The following PRSS23 variants were observed in gnomAD, a reference collection of about 807,000 sequenced individuals.
PRSS23 encodes the protein serine protease 23.
PRSS23 carries 25 observed loss-of-function variants against 34.7 expected under a neutral mutation model. The observed-to-expected ratio is 0.72, with a 90% CI of 0.53 to 1.01. PRSS23 has a LOEUF of 1.01. PRSS23 is among the 50% of genes least tolerant of loss of function. PRSS23 has a pLI of 0.00. For synonymous variants in PRSS23, 176 were observed against 186.6 expected, an observed-to-expected ratio of 0.94 and a Z score of 0.46; for missense variants, 445 against 475.6, an observed-to-expected ratio of 0.94 and a Z score of 0.60.
intron 2 of PRSS23, among the ~76,000 whole-genome samples, chr11:86,924,546 G>A (rs192722921): frequency 6.6e-6 from 1 of 152,310 alleles, no homozygotes; most frequent in Non-Finnish European, 1.5e-5. Context: ...TGGACTTGAA[G>A]GCTCTTGGAC....
intron 2 of PRSS23, among the ~76,000 whole-genome samples, chr11:86,905,492 A>C (rs1948936228): frequency 6.6e-6 from 1 of 152,174 alleles, no homozygotes; most frequent in South Asian, 2.1e-4. Context: ...ACACAAAATA[A>C]AATGCCAGCT....
chr11:86,912,865 G>C (rs1419312935), intron 2 of PRSS23, among the ~76,000 whole-genome samples: 1 of 152,076 alleles, frequency 6.6e-6, no homozygotes, highest in Non-Finnish European at 1.5e-5. Context: ...TGAGTGATAT[G>C]TTGTAAGGAC....
intron 1 of PRSS23, among the ~76,000 whole-genome samples, chr11:86,820,615 A>G (rs555825124): frequency 1.3e-5 from 2 of 152,358 alleles, no homozygotes; most frequent in East Asian, 1.9e-4. Context: ...TTAGATATAC[A>G]CATAATTATA....
chr11:86,827,594 A>G (rs1948312885), intron 2 of PRSS23, among the ~76,000 whole-genome samples: 1 of 152,020 alleles, frequency 6.6e-6, no homozygotes, highest in East Asian at 1.9e-4. Flanking sequence ...TTCGGGTGTC[A>G]ATTTTGGATC....
At chr11:86,844,137 C>G (rs953988118) in intron 2 of PRSS23, among the ~76,000 whole-genome samples, 13 of 152,166 alleles carry the variant, frequency 8.5e-5, no homozygotes, top group African/African-American at 3.1e-4. Flanking sequence ...AGCCTGTAAC[C>G]ATCATTGTAA....
chr11:86,843,250 C>T (rs964637213), intron 2 of PRSS23, among the ~76,000 whole-genome samples: 2 of 152,160 alleles, frequency 1.3e-5, no homozygotes, highest in Admixed American at 6.5e-5. Flanking sequence ...CCCTTCCTTA[C>T]ACCATATACA....
intron 1 of PRSS23, among the ~76,000 whole-genome samples, chr11:86,803,389 A>G (rs1428449270): frequency 1.3e-5 from 2 of 152,214 alleles, no homozygotes. Flanking sequence ...ACATCTGTTT[A>G]TACCTTAGAT....
rs539369047 is a variant in PRSS23 at position 86,932,905 on chromosome 11, T to G, written c.207-18311T>G. On this transcript the variant is annotated intron_variant, in intron 2 of 2. Transcript: ENST00000533902. ...TGGTCACTGTTGTGGCTTCTCTCGA[T>G]GTGAGGTCGGACTCACCTTCCATAT... 1.2e-4 allele frequency: 18 copies of G among 152,380 alleles called. 1 individual carries two copies. The highest frequency in any genetic ancestry group is 3.6e-4 in the African/African-American group (15 of 41,584). The allele number at this position is 152,380 out of a possible 1,614,324, so 9.4% of individuals were successfully genotyped here.
rs1269310590 is a variant in PRSS23 at position 86,952,446 on chromosome 11, G to C, written c.*1161G>C. 6.2e-7 allele frequency: 1 copy of C among 1,613,576 alleles called. No homozygotes were observed. Among genetic ancestry groups the C allele is most frequent in the Non-Finnish European group, 8.5e-7 (1 of 1,179,858 alleles). Reference sequence around the variant, plus strand: ...ATGTTGATCTTCTCTGTGCACATTGGCACATAAACAGAACAAAGGAAGAAC... The same window carrying C: ...ATGTTGATCTTCTCTGTGCACATTGCCACATAAACAGAACAAAGGAAGAAC... On this transcript the variant is annotated 3_prime_UTR_variant, in exon 3 of 3. Coordinates refer to the PRSS23 transcript ENST00000533902.
At chr11:86,914,062 C>A (rs1311050325) in intron 2 of PRSS23, among the ~76,000 whole-genome samples, 2 of 47,884 alleles carry the variant, frequency 4.2e-5, no homozygotes, top group African/African-American at 6.1e-5. Flanking sequence ...AAAAAAAAAA[C>A]CTCAAAGATT....
chr11:86,869,811 C>A (rs926354059), intron 2 of PRSS23, among the ~76,000 whole-genome samples: 1 of 152,184 alleles, frequency 6.6e-6, no homozygotes, highest in Non-Finnish European at 1.5e-5. Flanking sequence ...GAAATAAGCA[C>A]CGTGTCTCCT....
At chr11:86,816,467 A>G (rs1948215975) in intron 1 of PRSS23, among the ~76,000 whole-genome samples, 1 of 152,172 alleles carries the variant, frequency 6.6e-6, no homozygotes, top group African/African-American at 2.4e-5. Context: ...AAATTGAATG[A>G]GTTGAGTGCT....
At chr11:86,881,751 C>T (rs190401154) in intron 2 of PRSS23, among the ~76,000 whole-genome samples, 45 of 152,250 alleles carry the variant, frequency 3.0e-4, no homozygotes, top group African/African-American at 8.7e-4. Flanking sequence ...GAAGTTTTCT[C>T]ATTAGTAATT....
chr11:86,893,347 T>C (rs188307203), intron 2 of PRSS23, among the ~76,000 whole-genome samples: 2 of 152,282 alleles, frequency 1.3e-5, no homozygotes, highest in African/African-American at 4.8e-5. Context: ...CATATAAGTA[T>C]CTGAATCCAA....
chr11:86,905,844 C>T (rs1228770116), intron 2 of PRSS23, among the ~76,000 whole-genome samples: 1 of 152,142 alleles, frequency 6.6e-6, no homozygotes, highest in African/African-American at 2.4e-5. Flanking sequence ...AAAACATGAC[C>T]CCTTTGCACC....
In PRSS23 at chr11:86,861,106, A is replaced by T. The variant is rs548095890; in HGVS notation, c.206+37513A>T. 3.3e-5 allele frequency among the ~76,000 whole-genome samples: 5 copies of T among 151,788 alleles called. No individual in the cohort carries two copies. In the South Asian group the frequency reaches 8.3e-4, roughly 25 times the overall value. ...GATAATATTACTCGAAATATCGTTA[A>T]TACCCTGTGTGTCCACCCCCCTGTG... On this transcript the variant is annotated intron_variant, in intron 2 of 2. Coordinates refer to the PRSS23 transcript ENST00000533902.
chr11:86,946,057 G>A (rs770074267), intron 2 of PRSS23: 1 of 152,462 alleles, frequency 6.6e-6, no homozygotes, highest in African/African-American at 2.4e-5. Context: ...CTTACAAAGA[G>A]CTCAAGGGGC....
chr11:86,792,113 T>G (rs1387487583), intron 1 of PRSS23, among the ~76,000 whole-genome samples: 1 of 152,286 alleles, frequency 6.6e-6, no homozygotes, highest in East Asian at 1.9e-4. Flanking sequence ...TTCTCCACCC[T>G]TCACTACCCT....
At chr11:86,832,926 A>G in intron 2 of PRSS23, 1 of 351,582 alleles carries the variant, frequency 2.8e-6, no homozygotes, top group East Asian at 7.1e-5. Context: ...TCACAGAAGA[A>G]ATTAGGAATT....
Sources: allele counts gnomAD v4.1 joint callset (sites outside exome capture counted in the v4.1 genomes callset), GRCh38; gene constraint gnomAD v4.1.1; transcripts MANE v1.5; gene names NCBI Gene and HGNC (gene_info 2026-07-23, HGNC 2026-07-21).